The following PBX3 variants were observed in gnomAD, a reference collection of about 807,000 sequenced individuals.
PBX3 encodes PBX homeobox 3.
In PBX3, 14 loss-of-function variants were observed where a neutral mutation model predicts 48.5. That is an observed-to-expected ratio of 0.29 (90% CI 0.19 to 0.45). The LOEUF (loss-of-function observed/expected upper bound fraction) is 0.45, where lower values mean the gene tolerates loss of function less well. Among genes scored for constraint, PBX3 ranks in the 20% least tolerant of loss-of-function variants. The pLI, the probability that PBX3 is intolerant of heterozygous loss-of-function variation, is 1.00. For synonymous variants in PBX3, 210 were observed against 200.3 expected (o/e 1.05, Z -0.41); for missense variants, 386 against 546.7 (o/e 0.71, Z 2.93).
intron 5 of PBX3, among the ~76,000 whole-genome samples, chr9:125,953,940 G>C (rs916312899): frequency 1.3e-5 from 2 of 152,178 alleles, no homozygotes; most frequent in Non-Finnish European, 1.5e-5. Flanking sequence ...GGTATGCACG[G>C]TTTCATGGTT....
At chr9:125,770,017 C>T (rs1218186793) in intron 2 of PBX3, among the ~76,000 whole-genome samples, 6 of 152,026 alleles carry the variant, frequency 3.9e-5, no homozygotes, top group African/African-American at 1.2e-4. Context: ...TATTGAAAAA[C>T]GGAATGTATA....
rs1840571565 is a variant in PBX3 at position 125,889,069 on chromosome 9, A to G, written c.275-26617A>G. 2.6e-5 allele frequency among the ~76,000 whole-genome samples: 4 copies of G among 152,372 alleles called. No individual in the cohort carries two copies. The South Asian group carries it at 8.3e-4, about 32-fold the overall frequency. On this transcript the variant is annotated intron_variant, in intron 2 of 8. Coordinates refer to ENST00000373489, the MANE Select transcript of PBX3 (RefSeq NM_006195.6). Reference sequence around the variant, plus strand: ...GGAAAAGTCAGTGACCACGTATTACAATAAAATGGCCTTAACGTAATTTGG... The same window carrying G: ...GGAAAAGTCAGTGACCACGTATTACGATAAAATGGCCTTAACGTAATTTGG...
At position 125,928,392 on chromosome 9, in the gene PBX3, A is replaced by ATGTGTGTGTGTG. The variant is rs112869741; in HGVS notation, c.517-1243_517-1232dup. Reference sequence around the variant, plus strand: ...AGACTCTGAATATTAGGGGAAACAAATGTGTGTGTGTGTGTGTGTGTGTGT... The same window carrying ATGTGTGTGTGTG: ...AGACTCTGAATATTAGGGGAAACAAATGTGTGTGTGTGTGTGTGTGTGTGTGTGTGTGTGTGT... On this transcript the variant is annotated intron_variant, in intron 3 of 8. Transcript: ENST00000373489. Among the ~76,000 whole-genome samples, 21 of 140,284 alleles carry ATGTGTGTGTGTG rather than the reference A, an allele frequency of 1.5e-4. No individual in the cohort carries two copies. In the East Asian group the frequency reaches 3.8e-3, roughly 25 times the overall value. 92.0% of individuals were successfully genotyped at this position (140,284 alleles called of 152,430 possible). A position where few individuals can be genotyped will look rare whatever the true frequency, so the allele number is the denominator to read the frequency against.
chr9:125,897,462 C>G (rs1322097133), intron 2 of PBX3, among the ~76,000 whole-genome samples: 2 of 151,672 alleles, frequency 1.3e-5, no homozygotes, highest in Non-Finnish European at 3.0e-5. Context: ...GTGATGAAGC[C>G]TTTTCTGGAT....
At chr9:125,802,026 G>C (rs945938780) in intron 2 of PBX3, among the ~76,000 whole-genome samples, 1 of 152,116 alleles carries the variant, frequency 6.6e-6, no homozygotes, top group Admixed American at 6.6e-5. Context: ...TTGTGCCACT[G>C]CACCCAGCCT....
At chr9:125,939,243 AG>A (rs1282100661) in intron 5 of PBX3, among the ~76,000 whole-genome samples, 2 of 152,184 alleles carry the variant, frequency 1.3e-5, no homozygotes, top group Non-Finnish European at 2.9e-5. Context: ...AAAATATATA[AG>A]GAACTCCTAT....
chr9:125,928,170 G>T (rs921065664), intron 3 of PBX3, among the ~76,000 whole-genome samples: 1 of 151,752 alleles, frequency 6.6e-6, no homozygotes, highest in African/African-American at 2.4e-5. Context: ...CATCCTGGGC[G>T]ACAGAGCAAG....
chr9:125,874,437 A>C (rs1356561427), intron 2 of PBX3, among the ~76,000 whole-genome samples: 2 of 152,132 alleles, frequency 1.3e-5, no homozygotes, highest in Non-Finnish European at 2.9e-5. Flanking sequence ...ACTCAAAACA[A>C]AATGTTGCCA....
intron 2 of PBX3, among the ~76,000 whole-genome samples, chr9:125,802,772 G>A (rs1024007044): frequency 7.9e-5 from 12 of 151,644 alleles, no homozygotes; most frequent in African/African-American, 2.7e-4. Context: ...TCCGCCTCCC[G>A]GGTTCAAGCA....
chr9:125,777,865 A>G (rs917474395), intron 2 of PBX3, among the ~76,000 whole-genome samples: 1 of 152,014 alleles, frequency 6.6e-6, no homozygotes. Context: ...TTGTTGGTAT[A>G]TAATTATTTG....
intron 2 of PBX3, among the ~76,000 whole-genome samples, chr9:125,764,292 AATAAC>A (rs1477315175): frequency 2.0e-5 from 3 of 152,232 alleles, no homozygotes; most frequent in Non-Finnish European, 2.9e-5. Context: ...GAAAGCCTGA[AATAAC>A]AGAACTGTAC....
At chr9:125,941,189 C>T (rs1465859515) in intron 5 of PBX3, among the ~76,000 whole-genome samples, 1 of 152,106 alleles carries the variant, frequency 6.6e-6, no homozygotes, top group African/African-American at 2.4e-5. Context: ...AGATGAAGGA[C>T]AAGTCATGTG....
intron 5 of PBX3, among the ~76,000 whole-genome samples, chr9:125,951,865 T>G (rs1176977832): frequency 3.3e-5 from 5 of 152,226 alleles, no homozygotes; most frequent in Non-Finnish European, 7.3e-5. Context: ...GTATCCAGCG[T>G]GCCCAGCCTT....
intron 2 of PBX3, among the ~76,000 whole-genome samples, chr9:125,852,460 TA>T (rs1291534950): frequency 3.9e-5 from 6 of 152,180 alleles, no homozygotes; most frequent in Admixed American, 6.5e-5. Context: ...TTCTTCATGT[TA>T]ACTGATCAGT....
chr9:125,917,245 C>T (rs1329532613), intron 3 of PBX3, among the ~76,000 whole-genome samples: 1 of 152,112 alleles, frequency 6.6e-6, no homozygotes, highest in Non-Finnish European at 1.5e-5. Flanking sequence ...TTTAAGTTCA[C>T]AGACCAATTT....
intron 2 of PBX3, among the ~76,000 whole-genome samples, chr9:125,780,773 G>T (rs1354608551): frequency 7.2e-6 from 1 of 139,824 alleles, no homozygotes; most frequent in Non-Finnish European, 1.6e-5. Flanking sequence ...CGGGCGGGGG[G>T]CTGACCCCCC....
chr9:125,896,308 G>C (rs1840766618), intron 2 of PBX3, among the ~76,000 whole-genome samples: 1 of 151,832 alleles, frequency 6.6e-6, no homozygotes, highest in Non-Finnish European at 1.5e-5. Context: ...AATCTTCCTT[G>C]AATTTTTTTA....
intron 2 of PBX3, among the ~76,000 whole-genome samples, chr9:125,849,990 A>G (rs983502320): frequency 6.6e-6 from 1 of 152,038 alleles, no homozygotes; most frequent in Admixed American, 6.6e-5. Flanking sequence ...TTTGTGCAGT[A>G]ATGTATCATG....
chr9:125,749,423 C>T (rs993335983), intron 2 of PBX3: 4 of 152,148 alleles, frequency 2.6e-5, no homozygotes, highest in African/African-American at 9.6e-5. Context: ...GTCTTTCAGT[C>T]TTGACGTGAG....
Sources: gnomAD v4.1 joint callset for allele counts (sites outside exome capture counted in the v4.1 genomes callset) on GRCh38, gnomAD v4.1.1 for gene constraint, MANE v1.5 for transcripts, NCBI Gene and HGNC (gene_info 2026-07-23, HGNC 2026-07-21) for gene names.